The following HDAC9 variants were observed in gnomAD, a reference collection of about 807,000 sequenced individuals.
The protein encoded by HDAC9 is histone deacetylase 9.
HDAC9 carries 41 observed loss-of-function variants against 139.4 expected under a neutral mutation model. The observed-to-expected ratio is 0.29, with a 90% CI of 0.23 to 0.38. The LOEUF (loss-of-function observed/expected upper bound fraction) is 0.38, where lower values mean the gene tolerates loss of function less well. HDAC9 is among the 10% of genes least tolerant of loss of function. The pLI is 1.00. For synonymous variants in HDAC9, 517 were observed against 476.2 expected, an observed-to-expected ratio of 1.09 and a Z score of -1.12; for missense variants, 1,147 against 1,297.0, an observed-to-expected ratio of 0.88 and a Z score of 1.78.
chr7:18,668,440 G>T (rs1795422370), intron 12 of HDAC9: 1 of 952,432 alleles, frequency 1.0e-6, no homozygotes, highest in African/African-American at 1.8e-5. Flanking sequence ...AAAAGGGATA[G>T]TGCATCTTTT....
intron 2 of HDAC9, among the ~76,000 whole-genome samples, chr7:18,249,513 AAAAAAAAAAAC>A (rs1584838588): frequency 1.3e-5 from 2 of 148,234 alleles, no homozygotes; most frequent in Non-Finnish European, 3.0e-5. Context: ...AAAAAAAAAA[AAAAAAAAAAAC>A]AAAAAAAAAA....
At chr7:18,295,240 G>A (rs1450507999) in intron 1 of HDAC9, among the ~76,000 whole-genome samples, 1 of 152,020 alleles carries the variant, frequency 6.6e-6, no homozygotes, top group African/African-American at 2.4e-5. Context: ...GATAAGTCAT[G>A]GTCAGAGAAA....
chr7:18,714,094 T>C lies in HDAC9; in HGVS notation c.1732-13486T>C, dbSNP rs1784534545. On this transcript the variant is annotated intron_variant, in intron 12 of 25. Coordinates refer to ENST00000686413, the MANE Select transcript of HDAC9 (RefSeq NM_178425.4). The stretch of plus-strand genomic sequence containing the variant: ...AATACACTGTCATTTCTTTATTTTA[T>C]AGATGTGCTCTGAGAGTTCAAATAA... 2.6e-5 allele frequency among the ~76,000 whole-genome samples: 4 copies of C among 152,238 alleles called. No homozygotes were observed. The South Asian group carries it at 8.3e-4, about 31-fold the overall frequency.
chr7:18,880,166 GGCAAGGTT>G, intron 22 of HDAC9, among the ~76,000 whole-genome samples: 1 of 152,280 alleles, frequency 6.6e-6, no homozygotes, highest in South Asian at 2.1e-4. Flanking sequence ...AACAGGTGCT[GGCAAGGTT>G]GCGGAGAAAA....
chr7:18,375,670 C>A (rs1037088638), intron 1 of HDAC9, among the ~76,000 whole-genome samples: 2 of 152,072 alleles, frequency 1.3e-5, no homozygotes, highest in African/African-American at 2.4e-5. Context: ...TTTTAGTAAG[C>A]CTAAAGCCCC....
intron 2 of HDAC9, among the ~76,000 whole-genome samples, chr7:18,199,754 C>CAAAAAAAA (rs59883693): frequency 3.6e-5 from 2 of 55,710 alleles, no homozygotes; most frequent in African/African-American, 1.5e-4. Context: ...ATGTGTCTAC[C>CAAAAAAAA]AAAAAAAAAA....
intron 21 of HDAC9, among the ~76,000 whole-genome samples, chr7:18,870,383 C>G (rs1430806737): frequency 6.6e-6 from 1 of 152,096 alleles, no homozygotes; most frequent in Admixed American, 6.5e-5. Flanking sequence ...AAATATTCCT[C>G]AATTTAAATT....
intron 16 of HDAC9, among the ~76,000 whole-genome samples, chr7:18,770,082 C>G (rs1425028124): frequency 6.6e-6 from 1 of 152,128 alleles, no homozygotes; most frequent in South Asian, 2.1e-4. Flanking sequence ...CAGAACATCT[C>G]TACTTCTCAT....
intron 2 of HDAC9, among the ~76,000 whole-genome samples, chr7:18,264,632 A>G (rs1395676414): frequency 6.6e-6 from 1 of 152,222 alleles, no homozygotes. Context: ...TTAAAAGGCT[A>G]ACAATTAATT....
intron 13 of HDAC9, among the ~76,000 whole-genome samples, chr7:18,729,921 A>G (rs1394238455): frequency 3.3e-5 from 5 of 152,328 alleles, no homozygotes; most frequent in Admixed American, 2.6e-4. Flanking sequence ...CGAATTTACT[A>G]GTTCAAATTT....
chr7:18,659,840 G>C (rs1417656767), intron 11 of HDAC9, among the ~76,000 whole-genome samples: 2 of 152,074 alleles, frequency 1.3e-5, no homozygotes, highest in African/African-American at 4.8e-5. Flanking sequence ...TTCGTCTTCT[G>C]TTATCTAGCC....
At chr7:18,644,363 A>C (rs17139504) in intron 8 of HDAC9, among the ~76,000 whole-genome samples, 6,402 of 152,224 alleles carry the variant, frequency 0.042, 432 homozygotes, top group African/African-American at 0.14. Flanking sequence ...AATCAGAATT[A>C]TCCAATTTTA....
intron 2 of HDAC9, among the ~76,000 whole-genome samples, chr7:18,503,490 A>G (rs1798939836): frequency 1.3e-5 from 2 of 152,240 alleles, no homozygotes; most frequent in South Asian, 2.1e-4. Flanking sequence ...TGATTCATGA[A>G]TATAAGAATA....
At chr7:18,395,535 CAAAA>C (rs11305774) in intron 1 of HDAC9, among the ~76,000 whole-genome samples, 2 of 124,346 alleles carry the variant, frequency 1.6e-5, no homozygotes, top group East Asian at 2.4e-4. Context: ...CCTAAGGCTT[CAAAA>C]AAAAAAAAAA....
intron 1 of HDAC9, among the ~76,000 whole-genome samples, chr7:18,444,208 G>A (rs143150935): frequency 0.035 from 5,263 of 151,756 alleles, 111 homozygotes; most frequent in African/African-American, 0.066. Flanking sequence ...GCGTGGTGGC[G>A]TGTGTCTGTA....
chr7:18,621,713 C>A (rs1051992338), intron 6 of HDAC9, among the ~76,000 whole-genome samples: 1 of 152,052 alleles, frequency 6.6e-6, no homozygotes, highest in African/African-American at 2.4e-5. Context: ...TATATAAAAT[C>A]TAATTCATAA....
chr7:18,350,622 C>T (rs754110322), intron 1 of HDAC9, among the ~76,000 whole-genome samples: 13 of 152,082 alleles, frequency 8.5e-5, no homozygotes, highest in Non-Finnish European at 1.2e-4. Flanking sequence ...TGTTCTATGA[C>T]GGGGTTTCTA....
chr7:18,574,020 G>T (rs1825182311), intron 2 of HDAC9, among the ~76,000 whole-genome samples: 1 of 152,216 alleles, frequency 6.6e-6, no homozygotes, highest in South Asian at 2.1e-4. Flanking sequence ...TTCATACCCA[G>T]GAAGAATGAG....
chr7:18,300,608 T>C (rs1039335353), intron 1 of HDAC9, among the ~76,000 whole-genome samples: 16 of 152,076 alleles, frequency 1.1e-4, no homozygotes, highest in African/African-American at 3.9e-4. Context: ...CAAGAACAGA[T>C]TGACTTAGTT....
Sources: gnomAD v4.1 joint callset for allele counts (sites outside exome capture counted in the v4.1 genomes callset) on GRCh38, gnomAD v4.1.1 for gene constraint, MANE v1.5 for transcripts, NCBI Gene and HGNC (gene_info 2026-07-23, HGNC 2026-07-21) for gene names.